PCDH15: variants seen among roughly 807,000 people sequenced by gnomAD.
PCDH15 encodes protocadherin related 15, also known as protocadherin-15.
PCDH15 carries 129 observed loss-of-function variants against 178.5 expected under a neutral mutation model. The observed-to-expected ratio is 0.72, with a 90% CI of 0.63 to 0.84. The LOEUF (loss-of-function observed/expected upper bound fraction) is 0.84, where lower values mean the gene tolerates loss of function less well. Among genes scored for constraint, PCDH15 ranks in the 40% least tolerant of loss-of-function variants. PCDH15 has a pLI of 0.00. For missense variants in PCDH15, 2,230 were observed against 2,099.9 expected (o/e 1.06, Z -1.21); for synonymous variants, 800 against 732.0 (o/e 1.09, Z -1.50).
At chr10:55,494,902 G>A (rs12414477) in intron 2 of PCDH15, among the ~76,000 whole-genome samples, 6,248 of 151,826 alleles carry the variant, frequency 0.041, 379 homozygotes, top group East Asian at 0.29. Context: ...TAAACAAAGT[G>A]ATGTACTGTC....
intron 2 of PCDH15, among the ~76,000 whole-genome samples, chr10:55,477,119 G>A (rs1840078052): frequency 6.6e-6 from 1 of 151,850 alleles, no homozygotes; most frequent in African/African-American, 2.4e-5. Flanking sequence ...GACTTAGCTA[G>A]TACAGATACC....
intron 3 of PCDH15, among the ~76,000 whole-genome samples, chr10:54,882,568 A>G (rs952210142): frequency 1.3e-5 from 2 of 152,096 alleles, no homozygotes; most frequent in African/African-American, 4.8e-5. Flanking sequence ...ATAAACATCT[A>G]TTAAATGAGG....
At chr10:54,059,178 T>G (rs2093963424) in intron 18 of PCDH15, among the ~76,000 whole-genome samples, 1 of 152,184 alleles carries the variant, frequency 6.6e-6, no homozygotes. Context: ...CTTGATTTAT[T>G]TTACTTAACA....
intron 2 of PCDH15, among the ~76,000 whole-genome samples, chr10:54,601,023 A>G (rs2092502141): frequency 6.6e-6 from 1 of 152,058 alleles, no homozygotes; most frequent in African/African-American, 2.4e-5. Context: ...TAAGAAAGCT[A>G]TATATGAATA....
chr10:54,223,568 G>A (rs1481486519), intron 9 of PCDH15, among the ~76,000 whole-genome samples: 1 of 127,944 alleles, frequency 7.8e-6, no homozygotes, highest in Non-Finnish European at 1.8e-5. Flanking sequence ...TTTTTGAAGT[G>A]TTTATACCTT....
At chr10:54,641,574 T>C (rs1239388760) in intron 2 of PCDH15, among the ~76,000 whole-genome samples, 6 of 144,564 alleles carry the variant, frequency 4.2e-5, no homozygotes, top group Admixed American at 2.7e-4. Context: ...GGTACACATA[T>C]GCAAACACCA....
At chr10:54,168,283 C>G (rs1014167055) in intron 13 of PCDH15, among the ~76,000 whole-genome samples, 3 of 152,092 alleles carry the variant, frequency 2.0e-5, no homozygotes, top group Admixed American at 1.3e-4. Context: ...ACACATCAGT[C>G]CCTTCCTAGT....
chr10:54,111,148 C>T (rs1451654755), intron 15 of PCDH15, among the ~76,000 whole-genome samples: 2 of 152,118 alleles, frequency 1.3e-5, no homozygotes, highest in African/African-American at 4.8e-5. Context: ...TATACTTACA[C>T]TTTAATCAAC....
intron 2 of PCDH15, among the ~76,000 whole-genome samples, chr10:54,548,333 T>A (rs2133121477): frequency 6.7e-6 from 1 of 148,424 alleles, no homozygotes; most frequent in Non-Finnish European, 1.5e-5. Flanking sequence ...GATTTTTGTC[T>A]TTCATATATG....
intron 2 of PCDH15, among the ~76,000 whole-genome samples, chr10:55,464,644 ATATATATATATGTG>A (rs1338026411): frequency 0.036 from 795 of 22,312 alleles, 14 homozygotes; most frequent in African/African-American, 0.15. Flanking sequence ...ATATATATAT[ATATATATATATGTG>A]TGTGTGTGTG....
chr10:55,079,340 T>C (rs1002715843), intron 2 of PCDH15, among the ~76,000 whole-genome samples: 2 of 152,216 alleles, frequency 1.3e-5, no homozygotes, highest in African/African-American at 2.4e-5. Context: ...ATGTAGTCTC[T>C]GTATGATTTC....
chr10:55,455,066 G>T (rs1028228240), intron 2 of PCDH15, among the ~76,000 whole-genome samples: 1 of 152,046 alleles, frequency 6.6e-6, no homozygotes, highest in African/African-American at 2.4e-5. Flanking sequence ...CTCAGTTAAT[G>T]TTGTGTGTTG....
chr10:54,264,948 C>G (rs1267191862), intron 8 of PCDH15, among the ~76,000 whole-genome samples: 1 of 152,026 alleles, frequency 6.6e-6, no homozygotes, highest in African/African-American at 2.4e-5. Context: ...ATCCCCAAGA[C>G]ACATAGTCAT....
intron 23 of PCDH15, among the ~76,000 whole-genome samples, chr10:53,944,351 C>T (rs2086345404): frequency 6.6e-6 from 1 of 152,038 alleles, no homozygotes; most frequent in African/African-American, 2.4e-5. Flanking sequence ...CCATTCTGAA[C>T]CTGATATAAT....
chr10:54,876,867 C>T (rs946410571), intron 3 of PCDH15, among the ~76,000 whole-genome samples: 6 of 152,200 alleles, frequency 3.9e-5, no homozygotes, highest in Middle Eastern at 3.4e-3. Context: ...GTTGATAAAG[C>T]AATAGCAGAG....
intron 3 of PCDH15, among the ~76,000 whole-genome samples, chr10:54,481,291 A>G (rs2078699305): frequency 6.6e-6 from 1 of 151,772 alleles, no homozygotes; most frequent in South Asian, 2.1e-4. Flanking sequence ...TGCATTTTAA[A>G]TCGGTCTGGC....
chr10:55,561,468 A>C (rs563086592), intron 2 of PCDH15, among the ~76,000 whole-genome samples: 1 of 151,918 alleles, frequency 6.6e-6, no homozygotes, highest in Non-Finnish European at 1.5e-5. Context: ...GGACAATAAA[A>C]ATTGTTTATG....
Position 54,750,188 on chromosome 10 carries a change from TCAAA to T in PCDH15, c.-29+50733_-29+50736del, listed in dbSNP as rs144308079. Among the ~76,000 whole-genome samples, 854 of 152,204 alleles carry T rather than the reference TCAAA, an allele frequency of 5.6e-3. 9 individuals carry two copies. The highest frequency in any genetic ancestry group is 0.015 in the African/African-American group (604 of 41,558). On this transcript the variant is annotated intron_variant, in intron 1 of 37. Coordinates refer to ENST00000644397, the MANE Select transcript of PCDH15 (RefSeq NM_001384140.1). Reference sequence around the variant, plus strand: ...AGTTGGAGAAATCAATTTATTATTCTCAAACAATTTATTTTACATTTATAAAACC... The same window carrying T: ...AGTTGGAGAAATCAATTTATTATTCTCAATTTATTTTACATTTATAAAACC...
At chr10:54,479,411 T>C (rs1315876063) in intron 3 of PCDH15, among the ~76,000 whole-genome samples, 4 of 152,050 alleles carry the variant, frequency 2.6e-5, no homozygotes, top group Non-Finnish European at 4.4e-5. Context: ...CGTAATTTAA[T>C]ATAATATCTT....
Sources: gnomAD v4.1 joint callset for allele counts (sites outside exome capture counted in the v4.1 genomes callset) on GRCh38, gnomAD v4.1.1 for gene constraint, MANE v1.5 for transcripts, NCBI Gene and HGNC (gene_info 2026-07-23, HGNC 2026-07-21) for gene names.